Variants in PRKD2 observed in about 807,000 individuals in gnomAD.
PRKD2 encodes protein kinase D2.
In PRKD2, 22 loss-of-function variants were observed where a neutral mutation model predicts 86.0. That is an observed-to-expected ratio of 0.26 (90% confidence interval 0.18 to 0.37). The LOEUF (loss-of-function observed/expected upper bound fraction) is 0.37. PRKD2 is among the 10% of genes least tolerant of loss of function. The pLI, the probability that PRKD2 is intolerant of heterozygous loss-of-function variation, is 1.00. For synonymous variants in PRKD2, 509 were observed against 510.9 expected, an observed-to-expected ratio of 1.00 and a Z score of 0.05; for missense variants, 818 against 1,199.2, an observed-to-expected ratio of 0.68 and a Z score of 4.70.
At position 46,700,825 on chromosome 19, in the gene PRKD2, C is replaced by T; in HGVS notation, c.1095G>A (p.Glu365=). 4.3e-6 allele frequency: 7 copies of T among 1,614,158 alleles called. No individual in the cohort carries two copies. The highest frequency in any genetic ancestry group is 1.1e-5 in the South Asian group (1 of 91,080). Residue 365 remains glutamate, a synonymous_variant, in exon 7 of 18, where the codon GAG becomes GAA. Coordinates refer to ENST00000291281, the MANE Select transcript of PRKD2 (RefSeq NM_016457.5). ...SENALHASEE[E]EGEGGKAQSS... ...TCTGGGCCTTGCCTCCCTCGCCTTCCTCCTCCTCACTGGCGTGGAGCGCAT... is the reference window on the plus strand; with the variant it reads ...TCTGGGCCTTGCCTCCCTCGCCTTCTTCCTCCTCACTGGCGTGGAGCGCAT...
chr19:46,678,665 T>C lies in PRKD2; in HGVS notation c.2071-2A>G. On this transcript the variant is annotated splice_acceptor_variant, in intron 15 of 17. Transcript: ENST00000291281. LOFTEE classifies it high-confidence loss of function. This position sits in a 1 kb window ranked among gnomAD's most constrained non-coding sequence, Gnocchi z 5.7. ...AAAGCCAAAGTCACACAGCTTCACC[T>C]GCAGAGGGCAAGGGATGGAGGCTCC... 1 of 1,601,758 alleles carries C rather than the reference T, an allele frequency of 6.2e-7. No homozygotes were observed. The highest frequency in any genetic ancestry group is 8.5e-7 in the Non-Finnish European group (1 of 1,178,906).
rs752093534 is a variant in PRKD2 at position 46,681,790 on chromosome 19, A to G, written c.1972-42T>C. On this transcript the variant is annotated intron_variant, in intron 14 of 17. Coordinates refer to ENST00000291281, the MANE Select transcript of PRKD2 (RefSeq NM_016457.5). ...GGCCCAGTAAGAAAGGTAGATAGGT[A>G]CTCAGCCAAATCCCAACCTCAGCAG... 1.4e-5 allele frequency: 19 copies of G among 1,358,730 alleles called. No homozygotes were observed. In the South Asian group the frequency reaches 1.9e-4, roughly 13 times the overall value. The allele number at this position is 1,358,730 out of a possible 1,614,324, so 84.2% of individuals were successfully genotyped here. A position where few individuals can be genotyped will look rare whatever the true frequency, so the allele number is the denominator to read the frequency against.
chr19:46,692,438 G>C (rs968588110), intron 10 of PRKD2, among the ~76,000 whole-genome samples: 96 of 152,098 alleles, frequency 6.3e-4, no homozygotes, highest in Admixed American at 2.6e-3. Flanking sequence ...TCTGCCATTT[G>C]AATGTCTCTC....
At chr19:46,696,311 C>T (rs574413725) in intron 9 of PRKD2, among the ~76,000 whole-genome samples, 21 of 152,178 alleles carry the variant, frequency 1.4e-4, no homozygotes, top group Non-Finnish European at 1.9e-4. Flanking sequence ...GAAGACTCCC[C>T]TGGCTGTGGG....
rs1472074362 is a variant in PRKD2, at chr19:46,694,049, C to T, written c.1402G>A (p.Glu468Lys). 9.9e-6 allele frequency: 16 copies of T among 1,614,070 alleles called. No homozygotes were observed. Among genetic ancestry groups the T allele is most frequent in the Non-Finnish European group, 1.4e-5 (16 of 1,180,056 alleles). ...TAGGTGGCATTGGCAGTGACGATCTCAAAGCAGTGTGGGTTGGTGCCCGGC... is the reference window on the plus strand; with the variant it reads ...TAGGTGGCATTGGCAGTGACGATCTTAAAGCAGTGTGGGTTGGTGCCCGGC... Reference protein sequence around the residue: ...VPPGTNPHCFEIVTANATYFV... With the variant: ...VPPGTNPHCFKIVTANATYFV... Residue 468 changes from glutamate to lysine, a missense_variant, in exon 10 of 18, where the codon GAG (glutamate) becomes AAG (lysine). By Grantham distance (56) the Glu-to-Lys change is moderately conservative. Coordinates refer to ENST00000291281, the MANE Select transcript of PRKD2 (RefSeq NM_016457.5).
At position 46,704,567 on chromosome 19, in the gene PRKD2, G is replaced by T. The variant is rs949812025; in HGVS notation, c.594C>A (p.Ser198=). 1 of 1,613,988 alleles carries T rather than the reference G, an allele frequency of 6.2e-7. No individual in the cohort carries two copies. The highest frequency in any genetic ancestry group is 8.5e-7 in the Non-Finnish European group (1 of 1,180,012). Residue 198 remains serine (S), a synonymous_variant, in exon 4 of 18, where the codon TCC becomes TCA. Coordinates refer to ENST00000291281, the MANE Select transcript of PRKD2 (RefSeq NM_016457.5). ...CCGAGTGGCCACTGGCCAGAGACGT[G>T]GATGACAGGCGCCGTTTGCGGGCCC... ...CSGARKRRLS[S]TSLASGHSVR...
intron 16 of PRKD2, among the ~76,000 whole-genome samples, chr19:46,677,633 C>T (rs1169063675): frequency 6.6e-6 from 1 of 152,136 alleles, no homozygotes; most frequent in African/African-American, 2.4e-5. Context: ...GGGAAAGTTA[C>T]AGACCCATTC....
At chr19:46,690,020 G>A (rs982100993) in intron 13 of PRKD2, among the ~76,000 whole-genome samples, 10 of 152,108 alleles carry the variant, frequency 6.6e-5, no homozygotes, top group Admixed American at 2.6e-4. Context: ...GATTACAGGC[G>A]TGAGCCACCA....
At chr19:46,707,201 G>C (rs1388582986) in intron 3 of PRKD2, among the ~76,000 whole-genome samples, 1 of 152,094 alleles carries the variant, frequency 6.6e-6, no homozygotes, top group Non-Finnish European at 1.5e-5. Flanking sequence ...CCAGAATCAG[G>C]ATTTCTGTAC....
intron 15 of PRKD2, among the ~76,000 whole-genome samples, chr19:46,679,920 T>TG (rs2122563887): frequency 6.6e-6 from 1 of 152,038 alleles, no homozygotes; most frequent in East Asian, 1.9e-4. Flanking sequence ...ACACCACACC[T>TG]GGCCCCATAC....
intron 3 of PRKD2, 69 bp from the exon 4 acceptor site, chr19:46,704,718 GC>G: frequency 6.6e-7 from 1 of 1,522,018 alleles, no homozygotes; most frequent in Non-Finnish European, 8.8e-7. Flanking sequence ...GAGAAGTTGT[GC>G]CCTTTCCACC....
intron 5 of PRKD2, among the ~76,000 whole-genome samples, chr19:46,702,227 A>G (rs1568731269): frequency 2.0e-5 from 3 of 151,706 alleles, no homozygotes; most frequent in Non-Finnish European, 4.4e-5. Flanking sequence ...TTTTGTAGAG[A>G]TGGGGTCTTT....
intron 1 of PRKD2, 100 bp from the exon 2 acceptor site, chr19:46,714,101 C>G: frequency 1.4e-6 from 2 of 1,472,852 alleles, no homozygotes; most frequent in Non-Finnish European, 1.8e-6. Context: ...CTGTTTCCCC[C>G]GGAAACGCAG....
At chr19:46,706,229 G>A (rs996174655) in intron 3 of PRKD2, among the ~76,000 whole-genome samples, 13 of 152,082 alleles carry the variant, frequency 8.5e-5, no homozygotes, top group African/African-American at 3.1e-4. Context: ...CCCACTGGAC[G>A]TTCTGTATGT....
chr19:46,697,773 C>A lies in PRKD2; in HGVS notation c.1199G>T (p.Arg400Leu), dbSNP rs1323724325. The A allele has an allele frequency of 6.2e-7, 1 of 1,614,026 alleles. No homozygotes were observed. The stretch of plus-strand genomic sequence containing the variant: ...GCTGTAATGAACCACCCAACCCTCC[C>A]GCAGCGTGGTGCTGGATTTCCGCGT... ...HTTRKSSTTLREGWVVHYSNK... is the reference protein window; with the variant it reads ...HTTRKSSTTLLEGWVVHYSNK... The change falls in exon 8 of 18, where the codon CGG becomes CTG. Residue 400 changes from arginine (R) to leucine (L), a missense_variant. This residue lies in a region of PRKD2 where 127 missense variants were observed against 157.8 expected (regional missense o/e 0.80). Transcript: ENST00000291281.
At chr19:46,698,390 G>A (rs1435017297) in intron 7 of PRKD2, among the ~76,000 whole-genome samples, 1 of 152,120 alleles carries the variant, frequency 6.6e-6, no homozygotes, top group Non-Finnish European at 1.5e-5. Context: ...TTCTGTAGTA[G>A]GCCTTTCTGA....
intron 9 of PRKD2, among the ~76,000 whole-genome samples, chr19:46,695,682 C>T (rs1012355374): frequency 1.6e-4 from 24 of 151,654 alleles, no homozygotes; most frequent in Admixed American, 4.6e-4. Flanking sequence ...GGGACCCAGG[C>T]GGGACAGAAG....
In PRKD2 at chr19:46,678,085, A is replaced by C. The variant is rs2053237752; in HGVS notation, c.2338+311T>G. Among the ~76,000 whole-genome samples the C allele has an allele frequency of 6.6e-6, 1 of 152,100 alleles. No homozygotes were observed. The highest frequency in any genetic ancestry group is 1.5e-5 in the Non-Finnish European group (1 of 68,008). On this transcript the variant is annotated intron_variant, in intron 16 of 17. Coordinates refer to ENST00000291281, the MANE Select transcript of PRKD2 (RefSeq NM_016457.5). This position sits in a 1 kb window ranked among gnomAD's most constrained non-coding sequence, Gnocchi z 5.7. ...GCAGCCCTTTGGTACCCTCAAGTCC[A>C]GTCCCTTTCCTGGTCCCACCCTAGA...
At position 46,716,415 on chromosome 19, in the gene PRKD2, G is replaced by A. The variant is rs1210896853; in HGVS notation, c.-45C>T. 4.0e-5 allele frequency: 51 copies of A among 1,271,038 alleles called. No homozygotes were observed. The highest frequency in any genetic ancestry group is 5.3e-5 in the Non-Finnish European group (51 of 970,600). The allele number at this position is 1,271,038 out of a possible 1,614,324, so 78.7% of individuals were successfully genotyped here. On this transcript the variant is annotated 5_prime_UTR_variant, in exon 1 of 18. Coordinates refer to ENST00000291281, the MANE Select transcript of PRKD2 (RefSeq NM_016457.5). The surrounding 1 kb of genome is among the most constrained non-coding windows in gnomAD (Gnocchi z 7.9). The stretch of plus-strand genomic sequence containing the variant: ...GCCGCCTGGAGCCCACCCGGGACCC[G>A]GCCGGGGGGCCCCGGGGGACCCTGG...
Sources: gnomAD v4.1 joint callset for allele counts (sites outside exome capture counted in the v4.1 genomes callset) on GRCh38, gnomAD v4.1.1 for gene constraint, gnomAD v4.1.1 regional missense constraint, Gnocchi (gnomAD v3.1) non-coding constraint, MANE v1.5 for transcripts, NCBI Gene and HGNC (gene_info 2026-07-23, HGNC 2026-07-21) for gene names.